GABRB2: variants seen among roughly 807,000 people sequenced by gnomAD.
The protein encoded by GABRB2 is gamma-aminobutyric acid receptor subunit beta-2.
GABRB2 carries 16 observed loss-of-function variants against 54.7 expected under a neutral mutation model. That is an observed-to-expected ratio of 0.29 (90% CI 0.20 to 0.44). GABRB2 has a LOEUF of 0.44. GABRB2 is among the 20% of genes least tolerant of loss of function. The pLI is 1.00. For missense variants in GABRB2, 355 were observed against 644.0 expected, an observed-to-expected ratio of 0.55 and a Z score of 4.86; for synonymous variants, 244 against 233.8, an observed-to-expected ratio of 1.04 and a Z score of -0.40.
At chr5:161,361,611 G>A (rs1335089543) in intron 5 of GABRB2, among the ~76,000 whole-genome samples, 1 of 152,158 alleles carries the variant, frequency 6.6e-6, no homozygotes, top group East Asian at 1.9e-4. Context: ...AAGAGAATTT[G>A]AGTTTTCTTG....
intron 4 of GABRB2, among the ~76,000 whole-genome samples, chr5:161,424,528 A>G (rs1202366313): frequency 6.6e-6 from 1 of 152,160 alleles, no homozygotes; most frequent in African/African-American, 2.4e-5. Flanking sequence ...ATCTGTTTAC[A>G]GCATGATTTA....
chr5:161,310,685 A>G lies in GABRB2; in HGVS notation c.1191+15683T>C, dbSNP rs1378893034. On this transcript the variant is annotated intron_variant, in intron 9 of 9. Transcript: ENST00000393959. ...CACGCACGCGCACGCGCGCACACAC[A>G]CACACACACACACAGATTTTTTAAT... Among the ~76,000 whole-genome samples the G allele has an allele frequency of 9.9e-5, 15 of 152,200 alleles. No homozygotes were observed. The East Asian group carries it at 2.3e-3, about 24-fold the overall frequency.
chr5:161,316,590 C>T (rs112788449), intron 9 of GABRB2, among the ~76,000 whole-genome samples: 2,721 of 150,768 alleles, frequency 0.018, 29 homozygotes, highest in Middle Eastern at 0.082. Flanking sequence ...TTTGTTTCTC[C>T]CTCTTATTTA....
intron 5 of GABRB2, among the ~76,000 whole-genome samples, chr5:161,397,143 A>G (rs983014358): frequency 3.9e-5 from 6 of 152,210 alleles, no homozygotes; most frequent in African/African-American, 1.4e-4. Flanking sequence ...TCCTGTTAGC[A>G]TGACCTTCAC....
intron 5 of GABRB2, among the ~76,000 whole-genome samples, chr5:161,383,070 C>A (rs374009422): frequency 3.8e-4 from 58 of 152,162 alleles, no homozygotes; most frequent in African/African-American, 1.3e-3. Flanking sequence ...TTTTAAAATA[C>A]GTAATTGACA....
At chr5:161,492,498 C>T (rs190097362) in intron 3 of GABRB2, among the ~76,000 whole-genome samples, 101 of 151,818 alleles carry the variant, frequency 6.7e-4, no homozygotes, top group African/African-American at 2.0e-3. Context: ...ACACGTCACA[C>T]GGCTACCAGG....
At chr5:161,437,475 G>A (rs1020274058) in intron 4 of GABRB2, among the ~76,000 whole-genome samples, 1 of 151,990 alleles carries the variant, frequency 6.6e-6, no homozygotes. Context: ...GACCCTTTGG[G>A]CCCTGACTAA....
chr5:161,318,174 A>G (rs1205097397), intron 9 of GABRB2, among the ~76,000 whole-genome samples: 1 of 152,038 alleles, frequency 6.6e-6, no homozygotes, highest in Non-Finnish European at 1.5e-5. Context: ...TGAAAGGAAA[A>G]GATTTATCTG....
chr5:161,461,252 A>G (rs1217470246), intron 3 of GABRB2, among the ~76,000 whole-genome samples: 2 of 152,204 alleles, frequency 1.3e-5, no homozygotes, highest in African/African-American at 4.8e-5. Context: ...TAAGCTTCTC[A>G]GCTATCTAAA....
At chr5:161,360,980 A>G (rs1473213910) in intron 5 of GABRB2, among the ~76,000 whole-genome samples, 1 of 152,152 alleles carries the variant, frequency 6.6e-6, no homozygotes, top group Non-Finnish European at 1.5e-5. Context: ...ACTGCACTCC[A>G]TCCTGGGTAG....
At position 161,515,715 on chromosome 5, in the gene GABRB2, G is replaced by T. The variant is rs141671127; in HGVS notation, c.237+29512C>A. On this transcript the variant is annotated intron_variant, in intron 3 of 9. Coordinates refer to ENST00000393959, the MANE Select transcript of GABRB2 (RefSeq NM_001371727.1). ...TAGTAACAAAAATAATTTGTAAATT[G>T]CTACTCCATGGCTGGAAATTTTTAA... Among the ~76,000 whole-genome samples the T allele has an allele frequency of 2.0e-5, 3 of 152,254 alleles. No individual in the cohort carries two copies. The East Asian group carries it at 5.8e-4, about 29-fold the overall frequency.
chr5:161,420,630 G>A (rs1296108991), intron 4 of GABRB2, among the ~76,000 whole-genome samples: 1 of 152,198 alleles, frequency 6.6e-6, no homozygotes, highest in African/African-American at 2.4e-5. Context: ...TCCCTTGTCT[G>A]TCCCCTCCTT....
intron 3 of GABRB2, among the ~76,000 whole-genome samples, chr5:161,477,284 C>CAAAAAAAAAAAAAA (rs70990786): frequency 7.8e-6 from 1 of 127,848 alleles, no homozygotes. Flanking sequence ...CAAACAAAAG[C>CAAAAAAAAAAAAAA]AAAAAAAAAA....
chr5:161,404,757 T>C (rs1380188484), intron 5 of GABRB2, among the ~76,000 whole-genome samples: 2 of 152,124 alleles, frequency 1.3e-5, no homozygotes, highest in African/African-American at 4.8e-5. Flanking sequence ...TTTTCATCTT[T>C]TCCTAAACAG....
intron 5 of GABRB2, among the ~76,000 whole-genome samples, chr5:161,398,552 C>T (rs943413596): frequency 1.2e-4 from 18 of 152,134 alleles, no homozygotes; most frequent in Non-Finnish European, 1.6e-4. Flanking sequence ...CAATTTCCAC[C>T]GCAGATACCA....
At position 161,330,790 on chromosome 5, in the gene GABRB2, G is replaced by C. The variant is rs754147226; in HGVS notation, c.1077+93C>G. The C allele has an allele frequency of 1.9e-6, 3 of 1,547,976 alleles. No individual in the cohort carries two copies. In the Admixed American group the frequency reaches 5.4e-5, roughly 28 times the overall value. On this transcript the variant is annotated intron_variant, in intron 8 of 9. Transcript: ENST00000393959. Reference sequence around the variant, plus strand: ...TTACCCATTCTCTTCCCTGGGCTTGGTTTCCTCATTTGCTCAACAAGGTCA... The same window carrying C: ...TTACCCATTCTCTTCCCTGGGCTTGCTTTCCTCATTTGCTCAACAAGGTCA...
At chr5:161,491,239 G>A (rs1434500845) in intron 3 of GABRB2, among the ~76,000 whole-genome samples, 2 of 151,558 alleles carry the variant, frequency 1.3e-5, no homozygotes, top group Admixed American at 6.6e-5. Flanking sequence ...GTAAAAAATT[G>A]TTGCTATATA....
chr5:161,322,650 T>G (rs2113383134), intron 9 of GABRB2, among the ~76,000 whole-genome samples: 1 of 152,348 alleles, frequency 6.6e-6, no homozygotes, highest in East Asian at 1.9e-4. Flanking sequence ...TCTGCATGGT[T>G]AATCCACAGT....
chr5:161,481,371 C>T (rs909960651), intron 3 of GABRB2, among the ~76,000 whole-genome samples: 1 of 152,006 alleles, frequency 6.6e-6, no homozygotes, highest in Non-Finnish European at 1.5e-5. Context: ...AGGCCTCCTT[C>T]TAATTATTAC....
Sources: allele counts gnomAD v4.1 joint callset (sites outside exome capture counted in the v4.1 genomes callset), GRCh38; gene constraint gnomAD v4.1.1; transcripts MANE v1.5; gene names NCBI Gene and HGNC (gene_info 2026-07-23, HGNC 2026-07-21).